The following TLL2 variants were observed in gnomAD, a reference collection of about 807,000 sequenced individuals.
TLL2 encodes tolloid like 2, also known as tolloid-like protein 2.
Under a neutral mutation model 123.0 loss-of-function variants are expected in TLL2, and 106 were observed. The observed-to-expected ratio is 0.86, with a 90% CI of 0.74 to 1.01. The LOEUF is 1.01. Among genes scored for constraint, TLL2 ranks in the 50% least tolerant of loss-of-function variants. The probability of loss-of-function intolerance (pLI) is 0.00; values close to 1 mark genes in which losing one functional copy is unlikely to be tolerated. For synonymous variants in TLL2, 494 were observed against 516.8 expected, an observed-to-expected ratio of 0.96 and a Z score of 0.60; for missense variants, 1,332 against 1,336.7, an observed-to-expected ratio of 1.00 and a Z score of 0.06.
At chr10:96,370,619 A>G (rs557663954) in intron 19 of TLL2, among the ~76,000 whole-genome samples, 1 of 152,336 alleles carries the variant, frequency 6.6e-6, no homozygotes, top group Admixed American at 6.5e-5. Flanking sequence ...CATGGAGCCA[A>G]TGGACGGTTC....
chr10:96,384,281 G>C lies in TLL2; in HGVS notation c.2194+306C>G, dbSNP rs538556952. The stretch of plus-strand genomic sequence containing the variant: ...GAGGGATTCTACCCTAGAACTTTCC[G>C]AGGCAGCATGGCCCTGCGAACACCT... On this transcript the variant is annotated intron_variant, in intron 16 of 20. Coordinates refer to ENST00000357947, the MANE Select transcript of TLL2 (RefSeq NM_012465.4). Among the ~76,000 whole-genome samples, 6 of 152,332 alleles carry C rather than the reference G, an allele frequency of 3.9e-5. No individual in the cohort carries two copies. The South Asian group carries it at 1.2e-3, about 32-fold the overall frequency.
In TLL2 at chr10:96,432,971, C is replaced by G; in HGVS notation, c.365-9G>C. ...GGTATTCTCCCGGCCATCTGCAACA[C>G]AGTCAGGTTAATATTGATTTTGCCC... is the stretch of plus-strand genomic sequence containing the variant. On this transcript the variant is annotated splice_polypyrimidine_tract_variant and intron_variant, in intron 3 of 20. Transcript: ENST00000357947. 1.2e-6 allele frequency: 2 copies of G among 1,611,962 alleles called. No individual in the cohort carries two copies. Among genetic ancestry groups the G allele is most frequent in the Non-Finnish European group, 1.7e-6 (2 of 1,178,662 alleles).
At chr10:96,397,119 G>C in intron 11 of TLL2, 67 bp downstream of exon 11, 1 of 1,434,472 alleles carries the variant, frequency 7.0e-7, no homozygotes, top group Non-Finnish European at 9.6e-7. Context: ...GAGAGGGACA[G>C]TGGGCTGCCT....
chr10:96,473,047 A>AGC (rs961182387), intron 2 of TLL2, among the ~76,000 whole-genome samples: 1 of 142,092 alleles, frequency 7.0e-6, no homozygotes, highest in African/African-American at 2.7e-5. Flanking sequence ...TGGTTCCATC[A>AGC]GCCCCCCCCA....
rs1370892169 is a variant in TLL2, at chr10:96,480,430, C to A, written c.205G>T (p.Glu69Ter). 6.8e-6 allele frequency: 11 copies of A among 1,614,180 alleles called. No individual in the cohort carries two copies. Among genetic ancestry groups the A allele is most frequent in the Non-Finnish European group, 9.3e-6 (11 of 1,180,038 alleles). The change falls in exon 2 of 21, where the codon GAA (glutamate) becomes TAA (stop). Residue 69 changes from glutamate to a stop codon, truncating the protein, a stop_gained. Transcript: ENST00000357947. LOFTEE classifies it high-confidence loss of function. ...AVFWGDIALD[E>*]DDLKLFHIDK... ...ATGTGAAACAGCTTCAAGTCATCTT[C>A]ATCTAAGGCAATGTCTCCCCAAAAG...
rs570021270 is a variant in TLL2 at position 96,403,784 on chromosome 10, A to G, written c.1267+1448T>C. Among the ~76,000 whole-genome samples, 415 of 152,254 alleles carry G rather than the reference A, an allele frequency of 2.7e-3. 7 individuals carry two copies. Among genetic ancestry groups the G allele is most frequent in the Non-Finnish European group, 6.3e-4 (43 of 68,018 alleles). On this transcript the variant is annotated intron_variant, in intron 10 of 20. Transcript: ENST00000357947. ...GTCCCCTGCCTGCCCCTGGGAACTG[A>G]ATGTCTCGGTATAAAACCCGATTGT...
At chr10:96,464,804 A>C (rs1333381055) in intron 2 of TLL2, among the ~76,000 whole-genome samples, 1 of 152,240 alleles carries the variant, frequency 6.6e-6, no homozygotes. Flanking sequence ...AATGCAAATA[A>C]ATATACCCCA....
chr10:96,476,240 A>ATATATATATATTTTTT, intron 2 of TLL2, among the ~76,000 whole-genome samples: 4 of 20,502 alleles, frequency 2.0e-4, no homozygotes, highest in Non-Finnish European at 3.0e-4. Flanking sequence ...ATATATATAT[A>ATATATATATATTTTTT]TTTTATTTTT....
At chr10:96,476,248 T>TTTTTTTTTTTTTTTTTTTTTG (rs1285354320) in intron 2 of TLL2, among the ~76,000 whole-genome samples, 11 of 69,238 alleles carry the variant, frequency 1.6e-4, no homozygotes, top group Non-Finnish European at 1.9e-4. Flanking sequence ...ATATTTTATT[T>TTTTTTTTTTTTTTTTTTTTTG]TTGTTGTTGT....
intron 2 of TLL2, among the ~76,000 whole-genome samples, chr10:96,457,797 C>T (rs922373132): frequency 6.6e-6 from 1 of 152,148 alleles, no homozygotes; most frequent in African/African-American, 2.4e-5. Context: ...TTAAATTCTT[C>T]CCAGAGATGC....
At chr10:96,457,618 C>A (rs1847029687) in intron 2 of TLL2, among the ~76,000 whole-genome samples, 1 of 152,130 alleles carries the variant, frequency 6.6e-6, no homozygotes, top group East Asian at 1.9e-4. Flanking sequence ...TGCAGACTTC[C>A]AGAAGTTTCT....
At chr10:96,477,274 C>A (rs1302332650) in intron 2 of TLL2, among the ~76,000 whole-genome samples, 1 of 151,912 alleles carries the variant, frequency 6.6e-6, no homozygotes, top group African/African-American at 2.4e-5. Context: ...ATTTCAAAGG[C>A]CTCATTCCTA....
chr10:96,410,370 G>C lies in TLL2; in HGVS notation c.1153C>G (p.Pro385Ala). The C allele has an allele frequency of 6.2e-7, 1 of 1,612,956 alleles. No homozygotes were observed. Among genetic ancestry groups the C allele is most frequent in the East Asian group, 2.2e-5 (1 of 44,868 alleles). The change falls in exon 9 of 21, where the codon CCA becomes GCA. Residue 385 changes from proline to alanine, a missense_variant. Pro to Ala is a conservative substitution (Grantham distance 27). Transcript: ENST00000357947. ...SHCVWRISVT[P>A]GEKIVLNFTS... ...GGCTTCCCACCTACCTTTTCCCCTG[G>C]GGTGACCGAGATCCTCCAGACGCAG... is the stretch of plus-strand genomic sequence containing the variant.
intron 9 of TLL2, among the ~76,000 whole-genome samples, chr10:96,407,852 TGCATGCATGTGTGTGC>T (rs1846465593): frequency 2.0e-5 from 3 of 149,472 alleles, no homozygotes; most frequent in South Asian, 4.1e-4. Context: ...TGTGAGCATG[TGCATGCATGTGTGTGC>T]GCACACGTGT....
At chr10:96,472,041 C>T (rs951254856) in intron 2 of TLL2, among the ~76,000 whole-genome samples, 1 of 152,144 alleles carries the variant, frequency 6.6e-6, no homozygotes, top group Admixed American at 6.5e-5. Flanking sequence ...TCTCTGGACC[C>T]CCTCCTCACC....
chr10:96,481,671 C>T (rs1282017181), intron 1 of TLL2, among the ~76,000 whole-genome samples: 2 of 152,142 alleles, frequency 1.3e-5, no homozygotes, highest in East Asian at 1.9e-4. Flanking sequence ...ACTGAATGCG[C>T]TATGGTTTCA....
chr10:96,455,067 C>T (rs1846998787), intron 2 of TLL2, among the ~76,000 whole-genome samples: 1 of 151,902 alleles, frequency 6.6e-6, no homozygotes, highest in Non-Finnish European at 1.5e-5. Context: ...TATCAAATAG[C>T]AGTAAAAAAA....
At chr10:96,475,208 A>C (rs572784554) in intron 2 of TLL2, among the ~76,000 whole-genome samples, 28 of 152,226 alleles carry the variant, frequency 1.8e-4, no homozygotes, top group Admixed American at 6.5e-5. Flanking sequence ...AATTGGCATG[A>C]AATCAACACA....
rs1287375104 is a variant in TLL2, at chr10:96,379,063, C to G, written c.2224G>C (p.Gly742Arg). 2 of 1,614,132 alleles carry G rather than the reference C, an allele frequency of 1.2e-6. No individual in the cohort carries two copies. The highest frequency in any genetic ancestry group is 2.2e-5 in the East Asian group (1 of 44,892). ...DKDECAKDNG[G>R]CQHECVNTFG... ...GTGTTGACGCACTCATGCTGACACCCGCCGTTGTCCTTGGCACACTCGTCC... is the reference window on the plus strand; with the variant it reads ...GTGTTGACGCACTCATGCTGACACCGGCCGTTGTCCTTGGCACACTCGTCC... Residue 742 changes from glycine (G) to arginine (R), a missense_variant, in exon 17 of 21, where the codon GGG becomes CGG. Coordinates refer to ENST00000357947, the MANE Select transcript of TLL2 (RefSeq NM_012465.4).
Sources: allele counts gnomAD v4.1 joint callset (sites outside exome capture counted in the v4.1 genomes callset), GRCh38; gene constraint gnomAD v4.1.1; transcripts MANE v1.5; gene names NCBI Gene and HGNC (gene_info 2026-07-23, HGNC 2026-07-21).